Variants in DMPK observed in about 807,000 individuals in gnomAD.
DMPK encodes DM1 protein kinase.
Under a neutral mutation model 70.3 loss-of-function variants are expected in DMPK, and 32 were observed. The ratio of observed to expected loss-of-function variants is 0.46; its 90% CI spans 0.34 to 0.61. DMPK has a LOEUF of 0.61. Ranked by LOEUF, DMPK falls within the 20% of genes least tolerant of loss-of-function variation. DMPK has a pLI of 0.01. For missense variants in DMPK, 899 were observed against 886.0 expected (o/e 1.01, Z -0.19); for synonymous variants, 469 against 390.9 (o/e 1.20, Z -2.36).
chr19:45,770,882 G>T, intron 14 of DMPK, 89 bp downstream of exon 14: 1 of 1,120,182 alleles, frequency 8.9e-7, no homozygotes, highest in Non-Finnish European at 1.2e-6. Flanking sequence ...CGTGGGCCCA[G>T]CCCCGCAAAT....
At position 45,779,250 on chromosome 19, in the gene DMPK, G is replaced by A. The variant is rs750114122; in HGVS notation, c.432+14C>T. The A allele has an allele frequency of 1.2e-5, 19 of 1,612,874 alleles. No individual in the cohort carries two copies. Among genetic ancestry groups the A allele is most frequent in the Admixed American group, 8.3e-5 (5 of 60,014 alleles). On this transcript the variant is annotated intron_variant, in intron 4 of 14. Transcript: ENST00000291270. ...TCTTGTCCCTCTTCCTAGTCACCCC[G>A]GCCCGGAGCTCACCAGGTAGTTCTC...
In DMPK at chr19:45,771,371, C is replaced by T. The variant is rs765438132; in HGVS notation, c.1626G>A (p.Arg542=). 8.7e-6 allele frequency: 14 copies of T among 1,602,980 alleles called. 1 individual carries two copies. Among genetic ancestry groups the T allele is most frequent in the Admixed American group, 5.4e-5 (3 of 55,678 alleles). Reference sequence around the variant, plus strand: ...TTACATGGGAAGGTGGATCCGTGGCCCGGGGACTGGGGACCCCCGTGACAG... The same window carrying T: ...TTACATGGGAAGGTGGATCCGTGGCTCGGGGACTGGGGACCCCCGTGACAG... ...ATAVTGVPSP[R]ATDPPSHLDG... is the part of the protein sequence containing the mutation. The change falls in exon 13 of 15, where the codon CGG becomes CGA. Residue 542 remains arginine, a synonymous_variant. Transcript: ENST00000291270.
chr19:45,778,518 C>T lies in DMPK; in HGVS notation c.556G>A (p.Val186Met). 6.2e-7 allele frequency: 1 copy of T among 1,613,864 alleles called. No homozygotes were observed. The highest frequency in any genetic ancestry group is 8.5e-7 in the Non-Finnish European group (1 of 1,180,000). Residue 186 changes from valine (V) to methionine (M), a missense_variant, in exon 5 of 15, where the codon GTG becomes ATG. Around this residue, in one of 3 missense-constraint regions of DMPK, gnomAD observed 195 missense variants for 259.7 expected, o/e 0.75. Transcript: ENST00000291270. ...LAEIVMAIDS[V>M]HRLGYVHRDI... ...CTGTGCACGTAGCCAAGCCGGTGCACCGAGTCTATGGCCATGACAATCTCC... is the reference window on the plus strand; with the variant it reads ...CTGTGCACGTAGCCAAGCCGGTGCATCGAGTCTATGGCCATGACAATCTCC...
chr19:45,777,094 T>G lies in DMPK; in HGVS notation c.1146+233A>C. ...GGAGTCCCCCACCCCCTGCACTCCA[T>G]TGTCTCAGCCCTGATCACTCTGGGG... On this transcript the variant is annotated intron_variant, in intron 8 of 14. Transcript: ENST00000291270. The surrounding 1 kb of genome is among the most constrained non-coding windows in gnomAD (Gnocchi z 6.7). 19 of 524,406 alleles carry G rather than the reference T, an allele frequency of 3.6e-5. No individual in the cohort carries two copies. Among genetic ancestry groups the G allele is most frequent in the Middle Eastern group, 5.2e-4 (1 of 1,910 alleles). The allele number at this position is 524,406 out of a possible 1,614,324, so 32.5% of individuals were successfully genotyped here. A position where few individuals can be genotyped will look rare whatever the true frequency, so the allele number is the denominator to read the frequency against.
chr19:45,774,262 C>T (rs1307398625), intron 9 of DMPK, among the ~76,000 whole-genome samples: 11 of 122,110 alleles, frequency 9.0e-5, no homozygotes, highest in African/African-American at 3.5e-4. Context: ...TAAATAAATA[C>T]TTTTTTTTTT....
intron 8 of DMPK, among the ~76,000 whole-genome samples, chr19:45,776,447 C>T (rs1969779649): frequency 6.6e-6 from 1 of 151,568 alleles, no homozygotes; most frequent in Non-Finnish European, 1.5e-5. Flanking sequence ...CCGGCCAGCC[C>T]AGCCTATTTT....
intron 9 of DMPK, 30 bp downstream of exon 9, chr19:45,774,919 C>G: frequency 6.4e-7 from 1 of 1,572,180 alleles, no homozygotes; most frequent in Non-Finnish European, 8.8e-7. Flanking sequence ...AGCCTCGTGG[C>G]CCCTGGAGGC....
At position 45,770,789 on chromosome 19, in the gene DMPK, C is replaced by T. The variant is rs560288758; in HGVS notation, c.1738-149G>A. On this transcript the variant is annotated intron_variant, in intron 14 of 14. Transcript: ENST00000291270. ...TACAGCTGTTGTTAGTCCACTCGCA[C>T]GCCTCGAATCCCGTCCGAACTCGTC... 1.4e-4 allele frequency: 148 copies of T among 1,053,114 alleles called. 3 individuals carry two copies. The African/African-American group carries it at 2.1e-3, about 15-fold the overall frequency. The allele number at this position is 1,053,114 out of a possible 1,614,324, so 65.2% of individuals were successfully genotyped here.
chr19:45,778,747 C>T, intron 4 of DMPK, 106 bp from the exon 5 acceptor site: 4 of 1,205,950 alleles, frequency 3.3e-6, no homozygotes, highest in Non-Finnish European at 4.7e-6. Flanking sequence ...TGGGCAGAGA[C>T]CTGCAGCCCC....
In DMPK at chr19:45,772,742, C is replaced by A. The variant is rs779252472; in HGVS notation, c.1243G>T (p.Val415Phe). The change falls in exon 10 of 15, where the codon GTC becomes TTC. Residue 415 changes from valine (V) to phenylalanine (F), a missense_variant. This residue lies in a region of DMPK where 555 missense variants were observed against 483.8 expected (regional missense o/e 1.15). Transcript: ENST00000291270. ...AGTTCCATGGGTGTGGGGCCTGGGA[C>A]CTCACTGTCCCTGGGGAGAGGAGGA... The part of the protein sequence containing the change: ...YSCMALRDSE[V>F]PGPTPMELEA... 4.7e-6 allele frequency: 7 copies of A among 1,495,118 alleles called. No individual in the cohort carries two copies. Among genetic ancestry groups the A allele is most frequent in the Admixed American group, 2.8e-5 (1 of 35,248 alleles). 92.6% of individuals were successfully genotyped at this position (1,495,118 alleles called of 1,614,324 possible).
chr19:45,775,987 A>G (rs1272160023), intron 8 of DMPK, among the ~76,000 whole-genome samples: 1 of 102,656 alleles, frequency 9.7e-6, no homozygotes, highest in Non-Finnish European at 2.1e-5. Context: ...CACCCAGCTA[A>G]TTTTCTTGTA....
At position 45,771,831 on chromosome 19, in the gene DMPK, G is replaced by A. The variant is rs1380176187; in HGVS notation, c.1442C>T (p.Thr481Ile). ...LQEALEEEVL[T>I]RQSLSREMEA... ...CATCTCCCGGCTCAGGCTCTGCCGG[G>A]TGAGCACCTCCTCCTCCAGGGCTTC... The change falls in exon 11 of 15, where the codon ACC becomes ATC. Residue 481 changes from threonine to isoleucine, a missense_variant. By Grantham distance (89) the Thr-to-Ile change is moderately conservative. Coordinates refer to ENST00000291270, the MANE Select transcript of DMPK (RefSeq NM_004409.5). 1 of 1,573,828 alleles carries A rather than the reference G, an allele frequency of 6.4e-7. No individual in the cohort carries two copies. Among genetic ancestry groups the A allele is most frequent in the Non-Finnish European group, 8.6e-7 (1 of 1,159,742 alleles).
intron 4 of DMPK, 31 bp from the exon 5 acceptor site, chr19:45,778,672 A>G: frequency 6.2e-7 from 1 of 1,607,698 alleles, no homozygotes; most frequent in Non-Finnish European, 8.5e-7. Flanking sequence ...GGTGGTTGGT[A>G]GTCCCCTGAG....
At chr19:45,771,528 C>T (rs1969443819) in intron 12 of DMPK, 40 bp downstream of exon 12, 1 of 1,613,158 alleles carries the variant, frequency 6.2e-7, no homozygotes, top group Non-Finnish European at 8.5e-7. Context: ...GGCCCACCTC[C>T]TCCCGGTCCT....
rs1368156874 is a variant in DMPK at position 45,779,839 on chromosome 19, ACCTCCTTAAG to A, written c.181_190del (p.Leu61SerfsTer11). The A allele has an allele frequency of 6.3e-7, 1 of 1,598,236 alleles. No individual in the cohort carries two copies. Among genetic ancestry groups the A allele is most frequent in the Non-Finnish European group, 8.5e-7 (1 of 1,171,262 alleles). On this transcript the variant is annotated frameshift_variant, in exon 2 of 15. Transcript: ENST00000291270. LOFTEE classifies it high-confidence loss of function. The stretch of plus-strand genomic sequence containing the variant: ...CTCGAAGTCGTCCCTCTGCAGTCGG[ACCTCCTTAAG>A]CCTCACCACGATGGGCTCCGCTGGG...
intron 2 of DMPK, 58 bp downstream of exon 2, chr19:45,779,720 C>G: frequency 2.0e-6 from 3 of 1,534,936 alleles, no homozygotes; most frequent in Non-Finnish European, 2.6e-6. Flanking sequence ...GGCCCCGCCC[C>G]AACCCCTATG....
intron 4 of DMPK, chr19:45,779,029 C>T (rs1301374500): frequency 5.0e-6 from 3 of 594,914 alleles, no homozygotes; most frequent in African/African-American, 1.9e-5. Flanking sequence ...GCAACAGAGA[C>T]ATCTTTATAA....
In DMPK at chr19:45,777,322, C is replaced by A. The variant is rs1175712460; in HGVS notation, c.1146+5G>T. 1.1e-5 allele frequency: 17 copies of A among 1,558,810 alleles called. No homozygotes were observed. The highest frequency in any genetic ancestry group is 1.4e-5 in the Non-Finnish European group (16 of 1,150,462). ...CGCAGCCGAGCAGGGGCCACAGGTA[C>A]CTACCCCGCCCCCGCTCACCATGGC... On this transcript the variant is annotated splice_donor_5th_base_variant and intron_variant, in intron 8 of 14. Transcript: ENST00000291270. The surrounding 1 kb of genome is among the most constrained non-coding windows in gnomAD (Gnocchi z 6.7).
intron 10 of DMPK, chr19:45,772,203 C>T (rs1293669017): frequency 2.1e-6 from 1 of 474,204 alleles, no homozygotes; most frequent in African/African-American, 2.0e-5. Context: ...CTCAAAATCC[C>T]TCCAGCTCCC....
Sources: gnomAD v4.1 joint callset for allele counts (sites outside exome capture counted in the v4.1 genomes callset) on GRCh38, gnomAD v4.1.1 for gene constraint, gnomAD v4.1.1 regional missense constraint, Gnocchi (gnomAD v3.1) non-coding constraint, MANE v1.5 for transcripts, NCBI Gene and HGNC (gene_info 2026-07-23, HGNC 2026-07-21) for gene names.